Variants in ACBD6 observed in about 807,000 individuals in gnomAD.
The protein encoded by ACBD6 is acyl-CoA binding domain containing 6.
In ACBD6, 28 loss-of-function variants were observed where a neutral mutation model predicts 37.2. The observed-to-expected ratio is 0.75, with a 90% confidence interval of 0.56 to 1.03. ACBD6 has a LOEUF of 1.03. Ranked by LOEUF, ACBD6 falls within the 50% of genes least tolerant of loss-of-function variation. The pLI is 0.00. For missense variants in ACBD6, 340 were observed against 337.4 expected (o/e 1.01, Z -0.06); for synonymous variants, 113 against 126.8 (o/e 0.89, Z 0.73).
intron 7 of ACBD6, among the ~76,000 whole-genome samples, chr1:180,311,969 T>G (rs1650610390): frequency 6.6e-6 from 1 of 152,236 alleles, no homozygotes. Context: ...AGTCAGTCTC[T>G]GCCTTCATTA....
chr1:180,318,882 T>G (rs1441826219), intron 6 of ACBD6, among the ~76,000 whole-genome samples: 1 of 152,248 alleles, frequency 6.6e-6, no homozygotes, highest in Non-Finnish European at 1.5e-5. Context: ...TTTAAAAAAC[T>G]ATTTTAAAGC....
At chr1:180,372,583 GTTCTCA>G (rs1276042838) in intron 6 of ACBD6, among the ~76,000 whole-genome samples, 7 of 152,132 alleles carry the variant, frequency 4.6e-5, no homozygotes, top group Non-Finnish European at 8.8e-5. Flanking sequence ...GGGAAAGTTA[GTTCTCA>G]AGATTAATCA....
chr1:180,393,969 T>C (rs532679945), intron 6 of ACBD6, among the ~76,000 whole-genome samples: 2 of 152,328 alleles, frequency 1.3e-5, no homozygotes, highest in Admixed American at 6.5e-5. Context: ...TTTGGATTGT[T>C]TGTCTCACAC....
At chr1:180,404,081 G>C (rs1466558992) in intron 5 of ACBD6, among the ~76,000 whole-genome samples, 1 of 152,034 alleles carries the variant, frequency 6.6e-6, no homozygotes, top group African/African-American at 2.4e-5. Context: ...CTCCCGAGTA[G>C]CTGGGATTAC....
At chr1:180,500,246 A>C (rs1392730341) in intron 1 of ACBD6, among the ~76,000 whole-genome samples, 2 of 152,188 alleles carry the variant, frequency 1.3e-5, no homozygotes, top group Non-Finnish European at 2.9e-5. Flanking sequence ...AAAAGTTTAC[A>C]CATTTTTAAT....
chr1:180,402,578 G>C (rs936081134), intron 5 of ACBD6, among the ~76,000 whole-genome samples: 4 of 152,128 alleles, frequency 2.6e-5, no homozygotes, highest in African/African-American at 9.7e-5. Flanking sequence ...CAGTATTTTG[G>C]AAGGCCAAAG....
chr1:180,486,817 A>G (rs1202916271), intron 3 of ACBD6, among the ~76,000 whole-genome samples: 1 of 152,214 alleles, frequency 6.6e-6, no homozygotes, highest in East Asian at 1.9e-4. Context: ...CCAAGTGATC[A>G]AAGTTAACAT....
chr1:180,498,433 G>A (rs777876493), intron 1 of ACBD6, among the ~76,000 whole-genome samples: 9 of 152,166 alleles, frequency 5.9e-5, no homozygotes, highest in Non-Finnish European at 1.3e-4. Flanking sequence ...TTCATTTTGC[G>A]ACTCAGAAAT....
intron 6 of ACBD6, among the ~76,000 whole-genome samples, chr1:180,343,792 A>T (rs1428511280): frequency 1.3e-5 from 2 of 152,176 alleles, no homozygotes; most frequent in African/African-American, 4.8e-5. Context: ...CAAACAGGCC[A>T]GGTGTGGTGG....
chr1:180,342,568 T>G (rs1652021787), intron 6 of ACBD6, among the ~76,000 whole-genome samples: 3 of 151,716 alleles, frequency 2.0e-5, no homozygotes, highest in Admixed American at 2.0e-4. Context: ...CAGCTTTAAA[T>G]TATTATTAAT....
chr1:180,319,868 G>C (rs541467217), intron 6 of ACBD6, among the ~76,000 whole-genome samples: 9 of 152,286 alleles, frequency 5.9e-5, no homozygotes, highest in Non-Finnish European at 1.2e-4. Flanking sequence ...ATACTCCATT[G>C]TATATAAGTA....
intron 7 of ACBD6, among the ~76,000 whole-genome samples, chr1:180,296,113 A>C (rs1649907362): frequency 6.6e-6 from 1 of 152,178 alleles, no homozygotes. Context: ...AAACAGCCTT[A>C]TTGCTGATTT....
At chr1:180,353,783 C>CAAAAA (rs1207808427) in intron 6 of ACBD6, among the ~76,000 whole-genome samples, 2 of 2,340 alleles carry the variant, frequency 8.5e-4, no homozygotes, top group African/African-American at 2.5e-3. Flanking sequence ...AGTTAACAAC[C>CAAAAA]ACAAAAAAAA....
At chr1:180,382,618 CAA>C (rs1653699864) in intron 6 of ACBD6, among the ~76,000 whole-genome samples, 1 of 152,038 alleles carries the variant, frequency 6.6e-6, no homozygotes, top group Non-Finnish European at 1.5e-5. Context: ...TGAATTCTAC[CAA>C]ACTTTCAAAG....
At chr1:180,330,602 T>G (rs1045428455) in intron 6 of ACBD6, among the ~76,000 whole-genome samples, 1 of 152,156 alleles carries the variant, frequency 6.6e-6, no homozygotes, top group African/African-American at 2.4e-5. Context: ...ATAGCTACTG[T>G]AAACATGACA....
intron 5 of ACBD6, among the ~76,000 whole-genome samples, chr1:180,402,455 A>C (rs1409273704): frequency 1.3e-5 from 2 of 152,182 alleles, no homozygotes; most frequent in Non-Finnish European, 2.9e-5. Flanking sequence ...TTCACTGGCA[A>C]AGATCTAGGG....
chr1:180,271,687 T>C, exon 14 of ACBD6: 1 of 1,299,398 alleles, frequency 7.7e-7, no homozygotes, highest in Non-Finnish European at 1.1e-6. Context: ...GAGGCCCACC[T>C]GGGGAGAGGG....
At chr1:180,461,453 C>T (rs1650143997) in intron 3 of ACBD6, among the ~76,000 whole-genome samples, 2 of 152,168 alleles carry the variant, frequency 1.3e-5, no homozygotes, top group East Asian at 3.9e-4. Context: ...ATCTCCAAGA[C>T]ACATAATCAT....
intron 1 of ACBD6, among the ~76,000 whole-genome samples, chr1:180,500,712 A>C (rs1651935277): frequency 6.8e-6 from 1 of 146,798 alleles, no homozygotes. Flanking sequence ...AAAAAAAAAA[A>C]GTGTCAGCCA....
Sources: allele counts gnomAD v4.1 joint callset (sites outside exome capture counted in the v4.1 genomes callset), GRCh38; gene constraint gnomAD v4.1.1; transcripts MANE v1.5; gene names NCBI Gene and HGNC (gene_info 2026-07-23, HGNC 2026-07-21).